The following ASPH variants were observed in gnomAD, a reference collection of about 807,000 sequenced individuals.
ASPH encodes aspartate beta-hydroxylase.
In ASPH, 100 loss-of-function variants were observed where a neutral mutation model predicts 118.4. That is an observed-to-expected ratio of 0.84 (90% CI 0.72 to 1.00). The LOEUF (loss-of-function observed/expected upper bound fraction) is 1.00, where lower values mean the gene tolerates loss of function less well. ASPH is among the 50% of genes least tolerant of loss of function. The pLI, the probability that ASPH is intolerant of heterozygous loss-of-function variation, is 0.00. For missense variants in ASPH, 920 were observed against 919.5 expected (o/e 1.00, Z -0.01); for synonymous variants, 315 against 325.6 (o/e 0.97, Z 0.35).
At chr8:61,559,490 A>C (rs974358611) in intron 18 of ASPH, among the ~76,000 whole-genome samples, 11 of 152,158 alleles carry the variant, frequency 7.2e-5, no homozygotes, top group African/African-American at 2.7e-4. Flanking sequence ...CCATACACAA[A>C]CACAAAGCAC....
At chr8:61,520,537 T>C (rs1812570967) in intron 22 of ASPH, among the ~76,000 whole-genome samples, 2 of 152,250 alleles carry the variant, frequency 1.3e-5, no homozygotes, top group African/African-American at 4.8e-5. Context: ...GTAACCTTTT[T>C]GGCTCTTAAT....
At chr8:61,695,404 C>A (rs547787882) in intron 1 of ASPH, among the ~76,000 whole-genome samples, 8 of 152,310 alleles carry the variant, frequency 5.3e-5, no homozygotes, top group Non-Finnish European at 7.3e-5. Context: ...TTGTGTCACC[C>A]CCCTAGCTGC....
Position 61,642,770 on chromosome 8 carries a change from AGGAGGC to A in ASPH, c.790+112_790+117del, listed in dbSNP as rs1016408550. On this transcript the variant is annotated intron_variant, in intron 10 of 24. Coordinates refer to ENST00000379454, the MANE Select transcript of ASPH (RefSeq NM_004318.4). ...TGAGGCAAGAGAATCGCTTGTACCC[AGGAGGC>A]GGAGGTTGTAGTGGGCCAAGATTGT... 4 of 836,704 alleles carry A rather than the reference AGGAGGC, an allele frequency of 4.8e-6. No individual in the cohort carries two copies. In the African/African-American group the frequency reaches 7.3e-5, roughly 15 times the overall value. The allele number at this position is 836,704 out of a possible 1,614,324, so 51.8% of individuals were successfully genotyped here.
chr8:61,650,150 G>C (rs1047912367), intron 5 of ASPH, among the ~76,000 whole-genome samples: 59 of 152,172 alleles, frequency 3.9e-4, no homozygotes, highest in African/African-American at 1.4e-3. Flanking sequence ...CTTCTGTTAA[G>C]TTAAAGTTGG....
intron 15 of ASPH, chr8:61,583,580 T>TCTCGG: frequency 6.0e-6 from 1 of 167,124 alleles, no homozygotes; most frequent in Non-Finnish European, 1.3e-5. Context: ...GATCTTTAAA[T>TCTCGG]TGATCTTTAA....
intron 3 of ASPH, among the ~76,000 whole-genome samples, chr8:61,654,049 C>T (rs889806759): frequency 6.6e-6 from 1 of 152,084 alleles, no homozygotes; most frequent in African/African-American, 2.4e-5. Context: ...CTTGAATTTT[C>T]TGTTATTCAG....
Position 61,664,383 on chromosome 8 carries a change from T to C in ASPH, c.323-10723A>G, listed in dbSNP as rs1436854734. ...ATTCTAATCTGAAATAATTAAAACC[T>C]TTCTATAGTTATTCTAAGACTATAA... is the stretch of plus-strand genomic sequence containing the variant. On this transcript the variant is annotated intron_variant, in intron 3 of 24. Transcript: ENST00000379454. 3.1e-6 allele frequency: 3 copies of C among 974,702 alleles called. No individual in the cohort carries two copies. In the African/African-American group the frequency reaches 5.3e-5, roughly 17 times the overall value. 60.4% of individuals were successfully genotyped at this position (974,702 alleles called of 1,614,324 possible).
chr8:61,550,501 CAG>C (rs1825627645), intron 20 of ASPH, among the ~76,000 whole-genome samples: 1 of 139,568 alleles, frequency 7.2e-6, no homozygotes, highest in Non-Finnish European at 1.6e-5. Flanking sequence ...GAGAGAGAGA[CAG>C]AGACAGAAAG....
rs768680046 is a variant in ASPH, at chr8:61,626,266, T to C, written c.935-7247A>G. On this transcript the variant is annotated intron_variant, in intron 13 of 24. Coordinates refer to ENST00000379454, the MANE Select transcript of ASPH (RefSeq NM_004318.4). Reference sequence around the variant, plus strand: ...CCTGTGGTGGTAGGGGCAGTCTTTTTGAAGCTTTAAGTATCTGCAAAAATA... The same window carrying C: ...CCTGTGGTGGTAGGGGCAGTCTTTTCGAAGCTTTAAGTATCTGCAAAAATA... 5.1e-6 allele frequency: 8 copies of C among 1,565,318 alleles called. 1 individual carries two copies. In the South Asian group the frequency reaches 8.5e-5, roughly 17 times the overall value.
At chr8:61,667,973 T>C (rs942186091) in intron 3 of ASPH, among the ~76,000 whole-genome samples, 1 of 152,208 alleles carries the variant, frequency 6.6e-6, no homozygotes, top group African/African-American at 2.4e-5. Context: ...CATATTTGTA[T>C]AATATATACA....
At chr8:61,704,525 T>C (rs577487360) in intron 1 of ASPH, among the ~76,000 whole-genome samples, 115 of 151,710 alleles carry the variant, frequency 7.6e-4, no homozygotes, top group African/African-American at 2.6e-3. Context: ...AAAAAATAAA[T>C]ATCAGCATTA....
intron 3 of ASPH, chr8:61,665,747 T>C: frequency 1.2e-6 from 1 of 866,202 alleles, no homozygotes; most frequent in East Asian, 2.7e-5. Flanking sequence ...TTTAATTCAC[T>C]AGTCTTTATG....
Position 61,674,711 on chromosome 8 carries a change from A to G in ASPH, c.322+6257T>C, listed in dbSNP as rs549487494. Among the ~76,000 whole-genome samples, 442 of 152,364 alleles carry G rather than the reference A, an allele frequency of 2.9e-3. 4 individuals are homozygous for G. Among genetic ancestry groups the G allele is most frequent in the African/African-American group, 0.01 (420 of 41,590 alleles). On this transcript the variant is annotated intron_variant, in intron 3 of 24. Transcript: ENST00000379454. ...TTATGACAGCCTACAAGAGTAATTC[A>G]TAACAATTTAAATTTGTCATAGTCC...
intron 13 of ASPH, among the ~76,000 whole-genome samples, chr8:61,629,976 A>G (rs539049037): frequency 3.3e-5 from 5 of 152,298 alleles, no homozygotes; most frequent in African/African-American, 9.6e-5. Context: ...AGGTAATGGC[A>G]TATCTACCTC....
chr8:61,528,157 T>A (rs1816190247), intron 21 of ASPH, among the ~76,000 whole-genome samples: 1 of 152,178 alleles, frequency 6.6e-6, no homozygotes, highest in South Asian at 2.1e-4. Flanking sequence ...AGGTTCCATA[T>A]TACTTCATCC....
At chr8:61,657,982 G>C (rs546108181) in intron 3 of ASPH, 1 of 152,298 alleles carries the variant, frequency 6.6e-6, no homozygotes, top group African/African-American at 2.4e-5. Flanking sequence ...TCTGTGCTCA[G>C]GGTGAGTGCT....
chr8:61,514,088 C>G (rs1359326105), intron 24 of ASPH, among the ~76,000 whole-genome samples: 2 of 151,676 alleles, frequency 1.3e-5, no homozygotes, highest in Admixed American at 1.3e-4. Context: ...CTTCTGGGCT[C>G]TGGTGATCCT....
At chr8:61,705,508 G>A (rs958892577) in intron 1 of ASPH, among the ~76,000 whole-genome samples, 1 of 152,164 alleles carries the variant, frequency 6.6e-6, no homozygotes, top group African/African-American at 2.4e-5. Flanking sequence ...ATATTATGCT[G>A]AGTGAAAGGA....
chr8:61,605,318 T>G (rs945588064), intron 14 of ASPH, among the ~76,000 whole-genome samples: 2 of 152,212 alleles, frequency 1.3e-5, no homozygotes, highest in Admixed American at 1.3e-4. Flanking sequence ...TACAAAGTAA[T>G]CACTGGAGGG....
Sources: gnomAD v4.1 joint callset for allele counts (sites outside exome capture counted in the v4.1 genomes callset) on GRCh38, gnomAD v4.1.1 for gene constraint, MANE v1.5 for transcripts, NCBI Gene and HGNC (gene_info 2026-07-23, HGNC 2026-07-21) for gene names.